COL23A1: variants seen among roughly 807,000 people sequenced by gnomAD.
COL23A1 encodes collagen type XXIII alpha 1 chain, also known as collagen alpha-1(XXIII) chain.
Under a neutral mutation model 99.3 loss-of-function variants are expected in COL23A1, and 97 were observed. The observed-to-expected ratio is 0.98, with a 90% confidence interval of 0.83 to 1.16. COL23A1 has a LOEUF of 1.16. Ranked by LOEUF, COL23A1 falls within the 50% of genes most tolerant of loss-of-function variation. The pLI, the probability that COL23A1 is intolerant of heterozygous loss-of-function variation, is 0.00. For missense variants in COL23A1, 762 were observed against 757.4 expected (o/e 1.01, Z -0.07); for synonymous variants, 320 against 308.2 (o/e 1.04, Z -0.40).
Position 178,313,414 on chromosome 5 carries a change from C to T in COL23A1, c.362-6495G>A, listed in dbSNP as rs1186709027. Reference sequence around the variant, plus strand: ...ACAAACACCCCAGGGGTCTCAGCTACCCCTGAGCGAGGCTGTGAGCCGGGC... The same window carrying T: ...ACAAACACCCCAGGGGTCTCAGCTATCCCTGAGCGAGGCTGTGAGCCGGGC... On this transcript the variant is annotated intron_variant, in intron 2 of 28. Coordinates refer to ENST00000390654, the MANE Select transcript of COL23A1 (RefSeq NM_173465.4). This position sits in a 1 kb window ranked among gnomAD's most constrained non-coding sequence, Gnocchi z 4.2. 6.6e-6 allele frequency among the ~76,000 whole-genome samples: 1 copy of T among 152,198 alleles called. No homozygotes were observed. The highest frequency in any genetic ancestry group is 1.5e-5 in the Non-Finnish European group (1 of 68,038).
chr5:178,356,727 G>A (rs73346902), intron 2 of COL23A1, among the ~76,000 whole-genome samples: 1,946 of 152,258 alleles, frequency 0.013, 42 homozygotes, highest in African/African-American at 0.041. Flanking sequence ...GAGGAGGCAC[G>A]CGCCAAACCC....
At chr5:178,410,722 A>G (rs367620106) in intron 2 of COL23A1, among the ~76,000 whole-genome samples, 2 of 152,342 alleles carry the variant, frequency 1.3e-5, no homozygotes, top group East Asian at 1.9e-4. Context: ...GTGGATTCTT[A>G]GATATGACAC....
At chr5:178,289,040 T>C (rs144644597) in intron 4 of COL23A1, among the ~76,000 whole-genome samples, 3 of 152,270 alleles carry the variant, frequency 2.0e-5, no homozygotes, top group South Asian at 2.1e-4. Context: ...TCACACACGC[T>C]AGCCTCCCTG....
At chr5:178,290,548 A>G (rs1480685917) in intron 3 of COL23A1, among the ~76,000 whole-genome samples, 179 bp from the exon 4 acceptor site, 1 of 152,138 alleles carries the variant, frequency 6.6e-6, no homozygotes, top group Non-Finnish European at 1.5e-5. Context: ...GAGCAGAAGG[A>G]GCACCTTTGC....
At chr5:178,239,072 G>GGGCCCTCCCATTCCCCCACC (rs1207212960) in intron 28 of COL23A1, 69 bp downstream of exon 28, 1 of 1,553,440 alleles carries the variant, frequency 6.4e-7, no homozygotes, top group African/African-American at 1.4e-5. Context: ...CCAGGCTCTG[G>GGGCCCTCCCATTCCCCCACC]GGCCCTCCCA....
chr5:178,575,110 A>G (rs764540243), intron 1 of COL23A1, among the ~76,000 whole-genome samples: 1 of 152,212 alleles, frequency 6.6e-6, no homozygotes, highest in Non-Finnish European at 1.5e-5. Flanking sequence ...CATTTGGTCC[A>G]TCCTTTTTCA....
At chr5:178,343,229 G>A (rs1038699598) in intron 2 of COL23A1, among the ~76,000 whole-genome samples, 2 of 152,138 alleles carry the variant, frequency 1.3e-5, no homozygotes, top group African/African-American at 2.4e-5. Flanking sequence ...ATTCCGAAGC[G>A]AAGACTGTTT....
At chr5:178,483,552 C>T (rs1757452576) in intron 2 of COL23A1, among the ~76,000 whole-genome samples, 1 of 152,196 alleles carries the variant, frequency 6.6e-6, no homozygotes, top group South Asian at 2.1e-4. Flanking sequence ...GAGTTCCAGT[C>T]TTTAAAAATT....
intron 2 of COL23A1, among the ~76,000 whole-genome samples, chr5:178,542,131 C>G (rs1761324082): frequency 6.6e-6 from 1 of 152,222 alleles, no homozygotes; most frequent in African/African-American, 2.4e-5. Flanking sequence ...TCAAGCAGTT[C>G]TCGAGCCTCA....
intron 2 of COL23A1, among the ~76,000 whole-genome samples, chr5:178,378,755 C>T (rs1259854524): frequency 6.6e-6 from 1 of 152,152 alleles, no homozygotes; most frequent in East Asian, 1.9e-4. Context: ...AGGAAGGACC[C>T]TCATCACCAA....
In COL23A1 at chr5:178,361,670, C is replaced by T. The variant is rs1313832687; in HGVS notation, c.362-54751G>A. On this transcript the variant is annotated intron_variant, in intron 2 of 28. Transcript: ENST00000390654. ...GCACAGCACATTCCCACCATCACTA[C>T]CACCCCAACCCTGACGGCTCCCAAT... Among the ~76,000 whole-genome samples the T allele has an allele frequency of 2.0e-5, 3 of 152,154 alleles. No individual in the cohort carries two copies. In the East Asian group the frequency reaches 5.8e-4, roughly 29 times the overall value.
intron 1 of COL23A1, among the ~76,000 whole-genome samples, chr5:178,574,479 G>A (rs973810271): frequency 5.3e-5 from 8 of 152,142 alleles, no homozygotes; most frequent in Admixed American, 3.3e-4. Flanking sequence ...CAAGGAAACC[G>A]TGCCAGCCCC....
At position 178,383,239 on chromosome 5, in the gene COL23A1, C is replaced by T. The variant is rs188399996; in HGVS notation, c.362-76320G>A. ...TGCGGCTACTGGTCTGGGAACTGCA[C>T]TTTGAGAACCATGTCCTAGGCCACA... On this transcript the variant is annotated intron_variant, in intron 2 of 28. Transcript: ENST00000390654. 1.7e-3 allele frequency among the ~76,000 whole-genome samples: 262 copies of T among 152,302 alleles called. 6 individuals carry two copies. The highest frequency in any genetic ancestry group is 3.7e-4 in the Non-Finnish European group (25 of 68,012).
intron 2 of COL23A1, among the ~76,000 whole-genome samples, chr5:178,357,649 AATTTACC>A (rs2127690122): frequency 6.6e-6 from 1 of 152,366 alleles, no homozygotes; most frequent in East Asian, 1.9e-4. Context: ...AATATAAAGG[AATTTACC>A]CATCAGCTGA....
chr5:178,557,169 G>A (rs1367401300), intron 2 of COL23A1, among the ~76,000 whole-genome samples: 3 of 152,102 alleles, frequency 2.0e-5, no homozygotes, highest in Admixed American at 1.3e-4. Flanking sequence ...CACGCAGCAC[G>A]CCAATCCCCA....
rs1413194459 is a variant in COL23A1 at position 178,366,892 on chromosome 5, G to A, written c.362-59973C>T. Among the ~76,000 whole-genome samples the A allele has an allele frequency of 6.6e-6, 1 of 152,190 alleles. No individual in the cohort carries two copies. The highest frequency in any genetic ancestry group is 1.5e-5 in the Non-Finnish European group (1 of 68,022). ...GCCCCACGTGGCCCACTTGGCATGA[G>A]TGGCTGGCTTGCTCGCCTTCCTGGC... On this transcript the variant is annotated intron_variant, in intron 2 of 28. Transcript: ENST00000390654. The surrounding 1 kb of genome is among the most constrained non-coding windows in gnomAD (Gnocchi z 4.4).
At chr5:178,347,108 C>T (rs1192481255) in intron 2 of COL23A1, among the ~76,000 whole-genome samples, 1 of 152,134 alleles carries the variant, frequency 6.6e-6, no homozygotes, top group Non-Finnish European at 1.5e-5. Flanking sequence ...TCCCTGTCCT[C>T]ACCGCGCACT....
At chr5:178,386,105 C>T (rs949983314) in intron 2 of COL23A1, among the ~76,000 whole-genome samples, 4 of 152,062 alleles carry the variant, frequency 2.6e-5, no homozygotes, top group African/African-American at 9.7e-5. Flanking sequence ...CCAACCCGGG[C>T]TTCGTGTATG....
chr5:178,401,190 T>C (rs1271761555), intron 2 of COL23A1, among the ~76,000 whole-genome samples: 1 of 152,236 alleles, frequency 6.6e-6, no homozygotes, highest in Admixed American at 6.5e-5. Context: ...ATTCCCTTCC[T>C]TTTAAGGCTG....
Sources: gnomAD v4.1 joint callset for allele counts (sites outside exome capture counted in the v4.1 genomes callset) on GRCh38, gnomAD v4.1.1 for gene constraint, Gnocchi (gnomAD v3.1) non-coding constraint, MANE v1.5 for transcripts, NCBI Gene and HGNC (gene_info 2026-07-23, HGNC 2026-07-21) for gene names.